ANK3: variants seen among roughly 807,000 people sequenced by gnomAD.
The protein encoded by ANK3 is ankyrin-3.
Under a neutral mutation model 370.9 loss-of-function variants are expected in ANK3, and 57 were observed. That is an observed-to-expected ratio of 0.15 (90% CI 0.12 to 0.19). The LOEUF (loss-of-function observed/expected upper bound fraction) is 0.19, where lower values mean the gene tolerates loss of function less well. Ranked by LOEUF, ANK3 falls within the 10% of genes least tolerant of loss-of-function variation. The pLI is 1.00. For synonymous variants in ANK3, 1,929 were observed against 1,946.3 expected, an observed-to-expected ratio of 0.99 and a Z score of 0.23; for missense variants, 4,439 against 5,302.1, an observed-to-expected ratio of 0.84 and a Z score of 5.06.
chr10:60,220,316 C>T (rs971333732), intron 8 of ANK3, among the ~76,000 whole-genome samples: 1 of 152,080 alleles, frequency 6.6e-6, no homozygotes, highest in Admixed American at 6.6e-5. Flanking sequence ...TCTAAGGCCC[C>T]GAACCATCTG....
chr10:60,414,610 G>T (rs948050657), intron 2 of ANK3, among the ~76,000 whole-genome samples: 1 of 152,166 alleles, frequency 6.6e-6, no homozygotes, highest in South Asian at 2.1e-4. Flanking sequence ...ATTGGAAGGA[G>T]GGGAAGGTTT....
At chr10:60,663,164 C>T (rs557384620) in intron 1 of ANK3, among the ~76,000 whole-genome samples, 1 of 152,292 alleles carries the variant, frequency 6.6e-6, no homozygotes, top group South Asian at 2.1e-4. Flanking sequence ...AGATTGCTGC[C>T]ATTAAAGCAC....
intron 1 of ANK3, among the ~76,000 whole-genome samples, chr10:60,643,895 C>T (rs2078671651): frequency 2.0e-5 from 3 of 152,122 alleles, no homozygotes; most frequent in Non-Finnish European, 4.4e-5. Flanking sequence ...CAAGAGCCTA[C>T]CAAGAGGGAA....
intron 2 of ANK3, among the ~76,000 whole-genome samples, chr10:60,436,094 A>AAAAT (rs1211200239): frequency 2.0e-5 from 3 of 151,530 alleles, no homozygotes; most frequent in Non-Finnish European, 2.9e-5. Context: ...GTCTCAAAAA[A>AAAAT]AAATAAATAA....
chr10:60,316,995 C>T (rs558065640), intron 1 of ANK3, among the ~76,000 whole-genome samples: 1 of 152,314 alleles, frequency 6.6e-6, no homozygotes, highest in East Asian at 1.9e-4. Flanking sequence ...ATCCGCCCAC[C>T]TCAGCCTCCC....
At chr10:60,619,100 CT>C (rs1412717471) in intron 1 of ANK3, among the ~76,000 whole-genome samples, 1 of 152,062 alleles carries the variant, frequency 6.6e-6, no homozygotes, top group Non-Finnish European at 1.5e-5. Context: ...TTTCTCCCAT[CT>C]CTCTAACAGG....
intron 2 of ANK3, among the ~76,000 whole-genome samples, chr10:60,443,086 T>C (rs891932186): frequency 2.6e-5 from 4 of 152,212 alleles, no homozygotes; most frequent in Admixed American, 2.6e-4. Context: ...AGAGCTCAGG[T>C]CTTAGAGCTG....
chr10:60,137,407 C>CAAAAA (rs2094402671), intron 24 of ANK3: 1 of 191,254 alleles, frequency 5.2e-6, no homozygotes. Flanking sequence ...AAATAGAAAG[C>CAAAAA]AAAAAATCAG....
intron 1 of ANK3, among the ~76,000 whole-genome samples, chr10:60,285,147 A>C (rs1311557791): frequency 6.6e-6 from 1 of 152,120 alleles, no homozygotes; most frequent in African/African-American, 2.4e-5. Flanking sequence ...AGTGTTTGGT[A>C]AGTTTTTAAA....
intron 1 of ANK3, among the ~76,000 whole-genome samples, chr10:60,385,717 TAGAG>T (rs1357237931): frequency 6.6e-6 from 1 of 152,116 alleles, no homozygotes; most frequent in African/African-American, 2.4e-5. Context: ...GGCGCATGTA[TAGAG>T]AGAGATCTAC....
chr10:60,704,056 C>T (rs1056989763), intron 1 of ANK3, among the ~76,000 whole-genome samples: 3 of 152,184 alleles, frequency 2.0e-5, no homozygotes, highest in African/African-American at 7.2e-5. Flanking sequence ...GCTTTTGGAA[C>T]CAGCTGCCAC....
At chr10:60,732,576 C>A (rs1158824148) in intron 1 of ANK3, among the ~76,000 whole-genome samples, 3 of 152,160 alleles carry the variant, frequency 2.0e-5, no homozygotes, top group Admixed American at 6.5e-5. Flanking sequence ...CCACCAAAGC[C>A]ACCCCCTGGC....
chr10:60,080,114 G>A (rs1282966125), intron 36 of ANK3, among the ~76,000 whole-genome samples: 1 of 152,028 alleles, frequency 6.6e-6, no homozygotes, highest in Non-Finnish European at 1.5e-5. Context: ...TCGGGACTAG[G>A]ATATGACAAC....
At chr10:60,499,501 A>C (rs184375958) in intron 2 of ANK3, among the ~76,000 whole-genome samples, 9 of 152,356 alleles carry the variant, frequency 5.9e-5, no homozygotes, top group African/African-American at 2.2e-4. Context: ...TCAAGGGGTC[A>C]AATTACTATC....
chr10:60,155,120 T>C (rs1476209390), intron 23 of ANK3, among the ~76,000 whole-genome samples: 1 of 151,910 alleles, frequency 6.6e-6, no homozygotes, highest in Non-Finnish European at 1.5e-5. Context: ...ACAAAAAAAT[T>C]AAGTAGCAAT....
rs931414434 is a variant in ANK3 at position 60,120,545 on chromosome 10, A to G, written c.2842-6214T>C. ...GAAGAGACAACCCACAGAATGGGAG[A>G]ATGTATTGACAAACTCTCCATCTGA... On this transcript the variant is annotated intron_variant, in intron 25 of 43. Transcript: ENST00000280772. 5.3e-5 allele frequency among the ~76,000 whole-genome samples: 8 copies of G among 152,270 alleles called. No homozygotes were observed. The East Asian group carries it at 1.4e-3, about 26-fold the overall frequency.
chr10:60,218,227 CTT>C (rs2096978631), intron 8 of ANK3, among the ~76,000 whole-genome samples: 1 of 150,780 alleles, frequency 6.6e-6, no homozygotes, highest in Non-Finnish European at 1.5e-5. Flanking sequence ...GGTCTTGACT[CTT>C]TACCCAATTT....
intron 2 of ANK3, among the ~76,000 whole-genome samples, chr10:60,491,909 G>T (rs891269018): frequency 2.0e-5 from 3 of 152,080 alleles, no homozygotes; most frequent in African/African-American, 7.2e-5. Context: ...GGCTTAACAT[G>T]TGGAAAGCAC....
At chr10:60,123,694 G>T (rs1228695201) in intron 25 of ANK3, among the ~76,000 whole-genome samples, 4 of 152,182 alleles carry the variant, frequency 2.6e-5, no homozygotes, top group African/African-American at 9.7e-5. Context: ...GCCTTGACAG[G>T]CTAATGTTAA....
Sources: allele counts gnomAD v4.1 joint callset (sites outside exome capture counted in the v4.1 genomes callset), GRCh38; gene constraint gnomAD v4.1.1; transcripts MANE v1.5; gene names NCBI Gene and HGNC (gene_info 2026-07-23, HGNC 2026-07-21).